SHTN1: variants seen among roughly 807,000 people sequenced by gnomAD.
The protein encoded by SHTN1 is shootin-1.
A neutral mutation model predicts 83.1 loss-of-function variants in SHTN1; 42 were observed. That is an observed-to-expected ratio of 0.51 (90% CI 0.39 to 0.65). SHTN1 has a LOEUF of 0.65. Ranked by LOEUF, SHTN1 falls within the 30% of genes least tolerant of loss-of-function variation. The pLI, the probability that SHTN1 is intolerant of heterozygous loss-of-function variation, is 0.00. For missense variants in SHTN1, 622 were observed against 737.8 expected (o/e 0.84, Z 1.82); for synonymous variants, 224 against 247.7 (o/e 0.90, Z 0.90).
chr10:117,117,755 C>G (rs1030464759), intron 1 of SHTN1, among the ~76,000 whole-genome samples: 1 of 152,122 alleles, frequency 6.6e-6, no homozygotes, highest in African/African-American at 2.4e-5. Context: ...ACAACCAACT[C>G]ATCTTTGACA....
intron 1 of SHTN1, among the ~76,000 whole-genome samples, chr10:116,983,747 C>T (rs944183082): frequency 6.6e-6 from 1 of 151,954 alleles, no homozygotes; most frequent in African/African-American, 2.4e-5. Context: ...CACTCACATA[C>T]ACACACACAT....
At chr10:116,915,518 G>A (rs1211419818) in intron 12 of SHTN1, 34 bp from the exon 13 acceptor site, 1 of 1,247,062 alleles carries the variant, frequency 8.0e-7, no homozygotes, top group East Asian at 2.3e-5. Context: ...ATCCTCTTAT[G>A]TTACAAGAAA....
chr10:117,019,808 C>G (rs1289900882), intron 2 of SHTN1, among the ~76,000 whole-genome samples: 3 of 141,058 alleles, frequency 2.1e-5, no homozygotes. Context: ...CAGTGGGTGA[C>G]AGAGTGAGCC....
At position 116,940,484 on chromosome 10, in the gene SHTN1, T is replaced by C. The variant is rs754874067; in HGVS notation, c.840A>G (p.Arg280=). The part of the protein sequence containing the change: ...AKLTQQLEEE[R]IQHQQKVKEL... ...GGGTTACCTTTTGTTGATGCTGAAT[T>C]CTCTCTTCTTCAAGTTGCTGGGTGA... Residue 280 remains arginine, a synonymous_variant, in exon 9 of 17, where the codon AGA becomes AGG. Transcript: ENST00000355371. The C allele has an allele frequency of 1.9e-5, 30 of 1,613,728 alleles. No homozygotes were observed. The African/African-American group carries it at 3.2e-4, about 17-fold the overall frequency.
intron 1 of SHTN1, among the ~76,000 whole-genome samples, chr10:117,068,033 T>A (rs1048913483): frequency 1.3e-5 from 2 of 151,902 alleles, no homozygotes; most frequent in East Asian, 3.9e-4. Flanking sequence ...AGAGGTGAGA[T>A]AGATACTTGG....
intron 2 of SHTN1, among the ~76,000 whole-genome samples, chr10:117,020,168 A>G (rs1852238782): frequency 6.6e-6 from 1 of 152,148 alleles, no homozygotes; most frequent in Non-Finnish European, 1.5e-5. Flanking sequence ...TGGAATTGGC[A>G]TAAGAAAAGA....
intron 2 of SHTN1, chr10:117,023,814 T>C (rs1375609330): frequency 6.6e-6 from 1 of 152,668 alleles, no homozygotes; most frequent in Non-Finnish European, 1.5e-5. Flanking sequence ...AAAACTGCAC[T>C]GCAGAGCAGA....
In SHTN1 at chr10:116,881,930, G is replaced by A. The variant is rs994361075; in HGVS notation, c.*4414C>T. ...TCTCCTGTCCATTTTTCAGGGACAC[G>A]CTCCAGTAAAAGAGGCCAATATTTT... On this transcript the variant is annotated 3_prime_UTR_variant, in exon 17 of 17. Transcript: ENST00000355371. The A allele has an allele frequency of 8.0e-5, 26 of 323,594 alleles. No individual in the cohort carries two copies. The highest frequency in any genetic ancestry group is 1.4e-4 in the Non-Finnish European group (26 of 180,008). The allele number at this position is 323,594 out of a possible 1,614,324, so 20.0% of individuals were successfully genotyped here. A position where few individuals can be genotyped will look rare whatever the true frequency, so the allele number is the denominator to read the frequency against.
At chr10:117,039,709 C>T (rs370568158) in intron 2 of SHTN1, among the ~76,000 whole-genome samples, 17 of 151,754 alleles carry the variant, frequency 1.1e-4, no homozygotes, top group African/African-American at 1.7e-4. Context: ...AAAAATTAGC[C>T]GGGCGTGGTG....
intron 16 of SHTN1, chr10:116,900,973 C>T: frequency 1.0e-6 from 1 of 985,418 alleles, no homozygotes; most frequent in Non-Finnish European, 1.2e-6. Flanking sequence ...ACCTTTTAAG[C>T]TAAGACAGCT....
intron 7 of SHTN1, among the ~76,000 whole-genome samples, chr10:116,946,109 G>T (rs897706993): frequency 6.6e-6 from 1 of 151,652 alleles, no homozygotes; most frequent in African/African-American, 2.4e-5. Context: ...TAAGAGTAGA[G>T]AGGGATGTTC....
intron 1 of SHTN1, among the ~76,000 whole-genome samples, chr10:117,098,325 G>C (rs1361556287): frequency 6.6e-6 from 1 of 150,958 alleles, no homozygotes; most frequent in African/African-American, 2.4e-5. Context: ...TGAACCCAGG[G>C]GGCGGAGCTT....
At chr10:117,036,976 T>C (rs1179427299) in intron 2 of SHTN1, among the ~76,000 whole-genome samples, 1 of 152,212 alleles carries the variant, frequency 6.6e-6, no homozygotes, top group Non-Finnish European at 1.5e-5. Context: ...CAACTGTCTT[T>C]GTTTGCAGAT....
chr10:117,036,441 A>C (rs1382579941), intron 2 of SHTN1, among the ~76,000 whole-genome samples: 1 of 152,236 alleles, frequency 6.6e-6, no homozygotes, highest in Non-Finnish European at 1.5e-5. Context: ...TACACAATGG[A>C]GTACTATTCA....
chr10:117,040,667 G>A (rs758646086), intron 2 of SHTN1, among the ~76,000 whole-genome samples: 26 of 152,090 alleles, frequency 1.7e-4, no homozygotes, highest in African/African-American at 2.9e-4. Context: ...GAATGCATAC[G>A]CTTTAGGGCA....
chr10:117,037,544 G>A (rs1306903701), intron 2 of SHTN1, among the ~76,000 whole-genome samples: 1 of 152,110 alleles, frequency 6.6e-6, no homozygotes, highest in Non-Finnish European at 1.5e-5. Context: ...CACAGACATT[G>A]ACAAGCTGAT....
intron 2 of SHTN1, among the ~76,000 whole-genome samples, chr10:117,034,007 G>T (rs930628216): frequency 1.3e-5 from 2 of 150,956 alleles, no homozygotes; most frequent in Admixed American, 1.3e-4. Flanking sequence ...AAAAAACCGG[G>T]TATAGAAGGA....
chr10:117,093,863 A>G (rs1256972140), intron 1 of SHTN1, among the ~76,000 whole-genome samples: 3 of 152,194 alleles, frequency 2.0e-5, no homozygotes, highest in Non-Finnish European at 4.4e-5. Flanking sequence ...TCAAAAACCA[A>G]TGCTTTCTGT....
At chr10:117,030,961 A>T (rs547296683) in intron 2 of SHTN1, among the ~76,000 whole-genome samples, 2 of 152,322 alleles carry the variant, frequency 1.3e-5, no homozygotes, top group African/African-American at 4.8e-5. Flanking sequence ...ATAATAATAG[A>T]GGACTTCCCA....
Sources: gnomAD v4.1 joint callset for allele counts (sites outside exome capture counted in the v4.1 genomes callset) on GRCh38, gnomAD v4.1.1 for gene constraint, MANE v1.5 for transcripts, NCBI Gene and HGNC (gene_info 2026-07-23, HGNC 2026-07-21) for gene names.